Variants in PCNX2 observed in about 807,000 individuals in gnomAD.
The protein encoded by PCNX2 is pecanex-like protein 2.
PCNX2 carries 168 observed loss-of-function variants against 223.8 expected under a neutral mutation model. The ratio of observed to expected loss-of-function variants is 0.75; its 90% confidence interval spans 0.66 to 0.85. PCNX2 has a LOEUF of 0.85. Among genes scored for constraint, PCNX2 ranks in the 40% least tolerant of loss-of-function variants. PCNX2 has a pLI of 0.00. For missense variants in PCNX2, 2,507 were observed against 2,675.5 expected, an observed-to-expected ratio of 0.94 and a Z score of 1.39; for synonymous variants, 1,006 against 1,052.6, an observed-to-expected ratio of 0.96 and a Z score of 0.86.
intron 25 of PCNX2, among the ~76,000 whole-genome samples, chr1:233,052,031 T>C (rs934281022): frequency 8.5e-5 from 13 of 152,154 alleles, no homozygotes; most frequent in African/African-American, 3.1e-4. Context: ...GTAGGGGAAT[T>C]ATCCCTTCTG....
intron 21 of PCNX2, among the ~76,000 whole-genome samples, chr1:233,098,712 G>A (rs1674315532): frequency 6.6e-6 from 1 of 152,114 alleles, no homozygotes; most frequent in Non-Finnish European, 1.5e-5. Context: ...CCAGAAAAAG[G>A]ATGTGTTCTA....
In PCNX2 at chr1:233,057,238, C is replaced by A. The variant is rs1274666661; in HGVS notation, c.4129G>T (p.Asp1377Tyr). ...AGAGAAGAGATCTTCTTACCTGGAT[C>A]TCTTTCAATTTGGACTGCCAGTCTT... ...NTRLAVQIER[D>Y]PGNDDNNLNS... Residue 1377 changes from aspartate to tyrosine, a missense_variant, in exon 24 of 34, where the codon GAT becomes TAT. Coordinates refer to ENST00000258229, the MANE Select transcript of PCNX2 (RefSeq NM_014801.4). 6.2e-7 allele frequency: 1 copy of A among 1,603,432 alleles called. No individual in the cohort carries two copies. The highest frequency in any genetic ancestry group is 1.7e-5 in the Admixed American group (1 of 59,616).
intron 23 of PCNX2, among the ~76,000 whole-genome samples, chr1:233,086,548 A>G (rs1558217233): frequency 6.6e-6 from 1 of 151,774 alleles, no homozygotes; most frequent in African/African-American, 2.4e-5. Flanking sequence ...GCGGGCACCT[A>G]TAGTCCCAGC....
At chr1:233,255,513 C>T (rs1659688733) in intron 5 of PCNX2, among the ~76,000 whole-genome samples, 1 of 152,192 alleles carries the variant, frequency 6.6e-6, no homozygotes, top group African/African-American at 2.4e-5. Flanking sequence ...GGGCGGTCCT[C>T]ATTTATTTCC....
At position 233,104,115 on chromosome 1, in the gene PCNX2, A is replaced by G. The variant is rs1251785116; in HGVS notation, c.3838-8252T>C. On this transcript the variant is annotated intron_variant, in intron 21 of 33. Coordinates refer to ENST00000258229, the MANE Select transcript of PCNX2 (RefSeq NM_014801.4). ...CATTTTGTTCAATAGATGGTAAGAA[A>G]GAAAAGGTGGAGAGACAAAGAAAAA... 3.9e-5 allele frequency among the ~76,000 whole-genome samples: 6 copies of G among 152,302 alleles called. No homozygotes were observed. In the East Asian group the frequency reaches 1.2e-3, roughly 29 times the overall value.
At chr1:233,161,019 G>C (rs769266609) in intron 18 of PCNX2, among the ~76,000 whole-genome samples, 4 of 152,102 alleles carry the variant, frequency 2.6e-5, no homozygotes, top group African/African-American at 4.8e-5. Flanking sequence ...CATCATTCTT[G>C]CAAACAAAAC....
chr1:233,104,729 T>C (rs868555128), intron 21 of PCNX2, among the ~76,000 whole-genome samples: 3 of 152,112 alleles, frequency 2.0e-5, no homozygotes, highest in South Asian at 2.1e-4. Flanking sequence ...TTTTCAAACA[T>C]AGGTACATTT....
chr1:233,261,997 A>C, intron 3 of PCNX2, 48 bp downstream of exon 3: 2 of 1,609,174 alleles, frequency 1.2e-6, no homozygotes, highest in Non-Finnish European at 1.7e-6. Flanking sequence ...GGTGAGATCA[A>C]CATCGAAATC....
At chr1:233,154,677 A>C (rs1010616351) in intron 19 of PCNX2, among the ~76,000 whole-genome samples, 2 of 152,224 alleles carry the variant, frequency 1.3e-5, no homozygotes, top group African/African-American at 4.8e-5. Context: ...CATATCAATA[A>C]GTTGGAAAGA....
At position 233,025,174 on chromosome 1, in the gene PCNX2, C is replaced by T. The variant is rs1421072707; in HGVS notation, c.4577G>A (p.Arg1526Gln). The T allele has an allele frequency of 6.2e-6, 10 of 1,613,940 alleles. No individual in the cohort carries two copies. The highest frequency in any genetic ancestry group is 2.2e-5 in the South Asian group (2 of 91,074). The change falls in exon 26 of 34, where the codon CGA becomes CAA. Residue 1526 changes from arginine to glutamine, a missense_variant. By Grantham distance (43) the Arg-to-Gln change is conservative (BLOSUM62 1). Transcript: ENST00000258229. ...AATMLQVFDL[R>Q]RILIRYYIKS... ...GATGTAGTAGCGGATGAGGATCCTTCGGAGGTCAAACACCTGCAGCATGGT... is the reference window on the plus strand; with the variant it reads ...GATGTAGTAGCGGATGAGGATCCTTTGGAGGTCAAACACCTGCAGCATGGT...
intron 25 of PCNX2, among the ~76,000 whole-genome samples, chr1:233,043,136 C>T (rs1042511317): frequency 1.3e-5 from 2 of 152,206 alleles, no homozygotes; most frequent in Admixed American, 6.5e-5. Flanking sequence ...TGCCTGGCTC[C>T]TGCTGTTGGC....
intron 23 of PCNX2, among the ~76,000 whole-genome samples, chr1:233,074,795 G>C (rs1169597975): frequency 1.3e-5 from 2 of 152,018 alleles, no homozygotes; most frequent in Non-Finnish European, 2.9e-5. Flanking sequence ...AGAGACTATA[G>C]AGATGGCAAA....
At chr1:233,263,574 G>A (rs1313643945) in intron 1 of PCNX2, among the ~76,000 whole-genome samples, 2 of 150,958 alleles carry the variant, frequency 1.3e-5, no homozygotes, top group East Asian at 3.9e-4. Flanking sequence ...TCCTGCCTCA[G>A]CCTCCCGAGG....
chr1:233,297,173 G>C (rs181638042), upstream of PCNX2, among the ~76,000 whole-genome samples: 1 of 152,154 alleles, frequency 6.6e-6, no homozygotes, highest in Non-Finnish European at 1.5e-5. Context: ...AAGGAGCGCC[G>C]TCACGTGCAT....
intron 19 of PCNX2, among the ~76,000 whole-genome samples, chr1:233,140,168 A>G (rs2102777070): frequency 6.7e-6 from 1 of 149,744 alleles, no homozygotes; most frequent in African/African-American, 2.5e-5. Flanking sequence ...ATCTTAGCGT[A>G]GTAAGGGTGG....
At chr1:233,310,058 T>G in the PCNX2 span, among the ~76,000 whole-genome samples, 1,605 of 152,272 alleles carry the variant, frequency 0.011, 26 homozygotes, top group African/African-American at 0.036. Context: ...TTATATACAA[T>G]GTACCATCAT....
chr1:233,024,195 G>A (rs1442108578), intron 26 of PCNX2, among the ~76,000 whole-genome samples: 5 of 152,202 alleles, frequency 3.3e-5, no homozygotes, highest in East Asian at 1.9e-4. Flanking sequence ...GATTATAGGC[G>A]TGAACCACCA....
At chr1:233,113,199 G>T (rs1212582918) in intron 21 of PCNX2, among the ~76,000 whole-genome samples, 1 of 152,126 alleles carries the variant, frequency 6.6e-6, no homozygotes, top group Non-Finnish European at 1.5e-5. Flanking sequence ...TTTGCAAGAG[G>T]GATTCTGATG....
At chr1:233,012,049 C>T (rs1670486510) in intron 28 of PCNX2, among the ~76,000 whole-genome samples, 1 of 152,086 alleles carries the variant, frequency 6.6e-6, no homozygotes, top group Non-Finnish European at 1.5e-5. Flanking sequence ...GAGGACAGTT[C>T]ACCACAGAAG....
Sources: allele counts gnomAD v4.1 joint callset (sites outside exome capture counted in the v4.1 genomes callset), GRCh38; gene constraint gnomAD v4.1.1; transcripts MANE v1.5; gene names NCBI Gene and HGNC (gene_info 2026-07-23, HGNC 2026-07-21).